NCOA5: variants seen among roughly 807,000 people sequenced by gnomAD.
NCOA5 encodes the protein NCoA-5.
Under a neutral mutation model 59.0 loss-of-function variants are expected in NCOA5, and 12 were observed. The ratio of observed to expected loss-of-function variants is 0.20; its 90% CI spans 0.13 to 0.33. NCOA5 has a LOEUF of 0.33. Ranked by LOEUF, NCOA5 falls within the 10% of genes least tolerant of loss-of-function variation. NCOA5 has a pLI of 1.00. For missense variants in NCOA5, 655 were observed against 766.6 expected, an observed-to-expected ratio of 0.85 and a Z score of 1.72; for synonymous variants, 270 against 275.5, an observed-to-expected ratio of 0.98 and a Z score of 0.20.
intron 4 of NCOA5, 77 bp downstream of exon 4, chr20:46,068,425 G>C: frequency 6.8e-7 from 1 of 1,469,640 alleles, no homozygotes; most frequent in Non-Finnish European, 9.1e-7. Flanking sequence ...TCAGATGGGG[G>C]TACTGGTTAT....
rs538749631 is a variant in NCOA5, at chr20:46,085,455, ACAGAG to A, written c.-30+4357_-30+4361del. ...TGTATGTGTGTGGCAGGTGAAAGGA[ACAGAG>A]CAGAGAGGAGACTAGGAAGAATGTG... On this transcript the variant is annotated intron_variant, in intron 1 of 7. Transcript: ENST00000290231. Among the ~76,000 whole-genome samples the A allele has an allele frequency of 2.9e-3, 439 of 152,196 alleles. 1 individual carries two copies. The highest frequency in any genetic ancestry group is 0.01 in the African/African-American group (428 of 41,522).
intron 1 of NCOA5, among the ~76,000 whole-genome samples, chr20:46,086,435 C>G (rs1413903232): frequency 6.6e-6 from 1 of 151,962 alleles, no homozygotes; most frequent in African/African-American, 2.4e-5. Context: ...ACAAAACCAC[C>G]ATTTAAAAAG....
At position 46,062,905 on chromosome 20, in the gene NCOA5, G is replaced by C; in HGVS notation, c.1151-16C>G. On this transcript the variant is annotated splice_polypyrimidine_tract_variant and intron_variant, in intron 7 of 7. Coordinates refer to ENST00000290231, the MANE Select transcript of NCOA5 (RefSeq NM_020967.3). ...GAAATCGGGCCTGGAAGACAGAAGA[G>C]GGAGGTATCTGGTTCAAAGTACCCC... is the stretch of plus-strand genomic sequence containing the variant. 6.6e-7 allele frequency: 1 copy of C among 1,511,830 alleles called. No homozygotes were observed. 93.7% of individuals were successfully genotyped at this position (1,511,830 alleles called of 1,614,324 possible). A position where few individuals can be genotyped will look rare whatever the true frequency, so the allele number is the denominator to read the frequency against.
At chr20:46,080,147 G>C (rs2145548461) in intron 1 of NCOA5, among the ~76,000 whole-genome samples, 1 of 152,264 alleles carries the variant, frequency 6.6e-6, no homozygotes, top group South Asian at 2.1e-4. Context: ...GTTTTCATTA[G>C]AGAAGGCTGG....
chr20:46,083,065 T>G (rs1392402321), intron 1 of NCOA5, among the ~76,000 whole-genome samples: 2 of 152,174 alleles, frequency 1.3e-5, no homozygotes, highest in Non-Finnish European at 2.9e-5. Flanking sequence ...TAAAACCAGA[T>G]TTTATAGTTC....
intron 7 of NCOA5, among the ~76,000 whole-genome samples, 189 bp from the exon 8 acceptor site, chr20:46,063,078 A>G (rs1876835457): frequency 6.6e-6 from 1 of 152,196 alleles, no homozygotes; most frequent in Admixed American, 6.5e-5. Flanking sequence ...TAGTTCCCCT[A>G]GAGAACTGCT....
chr20:46,078,696 G>A (rs1041478890), intron 2 of NCOA5, among the ~76,000 whole-genome samples: 2 of 150,406 alleles, frequency 1.3e-5, no homozygotes, highest in Admixed American at 6.6e-5. Context: ...GGTGTAAATG[G>A]TATCATTAAT....
At chr20:46,071,922 C>T (rs937577821) in intron 2 of NCOA5, among the ~76,000 whole-genome samples, 7 of 152,144 alleles carry the variant, frequency 4.6e-5, no homozygotes, top group African/African-American at 1.4e-4. Flanking sequence ...ATGTCTGACC[C>T]GCTTTAAGGA....
At chr20:46,077,876 T>G (rs1455726145) in intron 2 of NCOA5, among the ~76,000 whole-genome samples, 1 of 152,184 alleles carries the variant, frequency 6.6e-6, no homozygotes, top group Non-Finnish European at 1.5e-5. Flanking sequence ...CATGGTTAGA[T>G]GAAGGCTAAT....
chr20:46,086,981 T>G (rs947147369), intron 1 of NCOA5, among the ~76,000 whole-genome samples: 15 of 152,204 alleles, frequency 9.9e-5, no homozygotes, highest in African/African-American at 3.6e-4. Flanking sequence ...TGAAATCAAT[T>G]ATCTCCAATG....
intron 1 of NCOA5, among the ~76,000 whole-genome samples, chr20:46,088,091 T>C (rs957121768): frequency 2.6e-5 from 4 of 152,194 alleles, no homozygotes; most frequent in Non-Finnish European, 4.4e-5. Flanking sequence ...TGATTTAAAT[T>C]AAATCTGCTC....
In NCOA5 at chr20:46,070,439, G is replaced by T. The variant is rs770382626; in HGVS notation, c.136C>A (p.Arg46=). Residue 46 remains arginine (R), a synonymous_variant, in exon 3 of 8, where the codon CGG becomes AGG. Transcript: ENST00000290231. ...ATGTCTCTGCTGTCCCGGGCATCCC[G>T]GCCATTTCTGCCATCCCTGGGCTCT... ...RREPRDGRNG[R]DARDSRDIRD... is the part of the protein sequence containing the mutation. 1.2e-6 allele frequency: 2 copies of T among 1,613,850 alleles called. No individual in the cohort carries two copies. Among genetic ancestry groups the T allele is most frequent in the African/African-American group, 2.7e-5 (2 of 74,814 alleles).
chr20:46,071,059 G>C (rs2084877551), intron 2 of NCOA5, among the ~76,000 whole-genome samples: 1 of 151,548 alleles, frequency 6.6e-6, no homozygotes, highest in South Asian at 2.1e-4. Context: ...CTGTTTCTCT[G>C]TTTTGTCAGG....
intron 1 of NCOA5, among the ~76,000 whole-genome samples, chr20:46,088,003 A>G (rs539541499): frequency 8.1e-6 from 1 of 123,524 alleles, no homozygotes; most frequent in Non-Finnish European, 1.8e-5. Context: ...ATATATATAT[A>G]TTTTTTTACA....
At chr20:46,066,984 A>G in intron 5 of NCOA5, 71 bp downstream of exon 5, 1 of 1,536,292 alleles carries the variant, frequency 6.5e-7, no homozygotes, top group Non-Finnish European at 8.9e-7. Context: ...CAGTGGATAG[A>G]GGTGCTAAAC....
intron 2 of NCOA5, among the ~76,000 whole-genome samples, 174 bp from the exon 3 acceptor site, chr20:46,070,710 A>T (rs1268050553): frequency 6.6e-6 from 1 of 152,200 alleles, no homozygotes; most frequent in Non-Finnish European, 1.5e-5. Flanking sequence ...CAAATAGTCT[A>T]GAGGTTCCAC....
chr20:46,085,071 TC>T (rs2085032276), intron 1 of NCOA5, among the ~76,000 whole-genome samples: 1 of 152,150 alleles, frequency 6.6e-6, no homozygotes, highest in African/African-American at 2.4e-5. Flanking sequence ...AGCTCTGTTG[TC>T]CAGGCTGGAG....
intron 1 of NCOA5, among the ~76,000 whole-genome samples, chr20:46,084,624 CA>C (rs2085027733): frequency 1.3e-5 from 2 of 152,276 alleles, no homozygotes; most frequent in Admixed American, 1.3e-4. Flanking sequence ...CTGGGGATAG[CA>C]AATCTGAGCT....
At chr20:46,087,458 C>G (rs535684256) in intron 1 of NCOA5, among the ~76,000 whole-genome samples, 47 of 152,286 alleles carry the variant, frequency 3.1e-4, no homozygotes, top group Non-Finnish European at 6.0e-4. Context: ...GAAAGTCTTT[C>G]CAAAAATTGT....
Sources: gnomAD v4.1 joint callset for allele counts (sites outside exome capture counted in the v4.1 genomes callset) on GRCh38, gnomAD v4.1.1 for gene constraint, MANE v1.5 for transcripts, NCBI Gene and HGNC (gene_info 2026-07-23, HGNC 2026-07-21) for gene names.